DSCAM: variants seen among roughly 807,000 people sequenced by gnomAD.
DSCAM encodes cell adhesion molecule DSCAM.
Under a neutral mutation model 217.7 loss-of-function variants are expected in DSCAM, and 47 were observed. The ratio of observed to expected loss-of-function variants is 0.22; its 90% CI spans 0.17 to 0.28. The LOEUF (loss-of-function observed/expected upper bound fraction) is 0.28, where lower values mean the gene tolerates loss of function less well. Among genes scored for constraint, DSCAM ranks in the 10% least tolerant of loss-of-function variants. The probability of loss-of-function intolerance (pLI) is 1.00; values close to 1 mark genes in which losing one functional copy is unlikely to be tolerated. For synonymous variants in DSCAM, 1,056 were observed against 1,015.3 expected (o/e 1.04, Z -0.76); for missense variants, 2,080 against 2,618.3 (o/e 0.79, Z 4.49).
chr21:40,797,494 T>A (rs2096577750), intron 1 of DSCAM, among the ~76,000 whole-genome samples: 1 of 152,224 alleles, frequency 6.6e-6, no homozygotes, highest in African/African-American at 2.4e-5. Flanking sequence ...ACACTAAGGT[T>A]TTTGACAGGC....
chr21:40,267,882 G>A (rs1324846273), intron 11 of DSCAM, among the ~76,000 whole-genome samples: 1 of 150,346 alleles, frequency 6.7e-6, no homozygotes, highest in Non-Finnish European at 1.5e-5. Context: ...GGAAACAAGA[G>A]AGAAACTCCA....
chr21:40,674,279 A>G (rs939251197), intron 3 of DSCAM, among the ~76,000 whole-genome samples: 2 of 152,230 alleles, frequency 1.3e-5, no homozygotes, highest in Non-Finnish European at 2.9e-5. Context: ...CAGAATTTAG[A>G]GCTCATAACC....
chr21:40,310,258 TATG>T (rs2074123334), intron 9 of DSCAM, among the ~76,000 whole-genome samples: 2 of 152,200 alleles, frequency 1.3e-5, no homozygotes, highest in Non-Finnish European at 2.9e-5. Context: ...CCCTAAAGAT[TATG>T]ATTTAATTGG....
chr21:40,766,993 C>A (rs938413616), intron 1 of DSCAM, among the ~76,000 whole-genome samples: 3 of 152,128 alleles, frequency 2.0e-5, no homozygotes, highest in African/African-American at 7.2e-5. Flanking sequence ...GCCAAAAAAC[C>A]TTTCTTAATT....
At chr21:40,413,345 G>A (rs2075340666) in intron 3 of DSCAM, among the ~76,000 whole-genome samples, 1 of 152,192 alleles carries the variant, frequency 6.6e-6, no homozygotes, top group African/African-American at 2.4e-5. Flanking sequence ...ACCAGCCCAT[G>A]AATGGAGCCA....
chr21:40,548,924 G>C (rs2076606896), intron 3 of DSCAM, among the ~76,000 whole-genome samples: 1 of 152,190 alleles, frequency 6.6e-6, no homozygotes, highest in African/African-American at 2.4e-5. Context: ...GTAAAACAAG[G>C]CCGGGCACGG....
chr21:40,176,755 C>A (rs2090736847), intron 15 of DSCAM, among the ~76,000 whole-genome samples: 3 of 152,208 alleles, frequency 2.0e-5, no homozygotes, highest in Non-Finnish European at 2.9e-5. Flanking sequence ...CACCCAGATA[C>A]AATACAAAAG....
chr21:40,697,407 C>A (rs2090607735), intron 2 of DSCAM, among the ~76,000 whole-genome samples: 1 of 152,120 alleles, frequency 6.6e-6, no homozygotes, highest in Non-Finnish European at 1.5e-5. Context: ...AAAATCTTTG[C>A]CCAGACTAAT....
chr21:40,441,407 A>T (rs879092233), intron 3 of DSCAM, among the ~76,000 whole-genome samples: 1 of 152,202 alleles, frequency 6.6e-6, no homozygotes, highest in Admixed American at 6.5e-5. Flanking sequence ...AGGATTATTC[A>T]TTGTGACTTA....
intron 3 of DSCAM, among the ~76,000 whole-genome samples, chr21:40,662,440 A>G (rs1044702239): frequency 1.3e-5 from 2 of 152,224 alleles, no homozygotes; most frequent in African/African-American, 2.4e-5. Context: ...TATTTTGGCC[A>G]TAAGTGACGC....
rs2092148302 is a variant in DSCAM at position 40,846,692 on chromosome 21, G to T, written c.-31C>A. 1.8e-6 allele frequency: 2 copies of T among 1,120,476 alleles called. No homozygotes were observed. The highest frequency in any genetic ancestry group is 3.8e-5 in the South Asian group (1 of 26,206). The allele number at this position is 1,120,476 out of a possible 1,614,324, so 69.4% of individuals were successfully genotyped here. A position where few individuals can be genotyped will look rare whatever the true frequency, so the allele number is the denominator to read the frequency against. On this transcript the variant is annotated 5_prime_UTR_variant, in exon 1 of 33. Transcript: ENST00000400454. ...TGCCGCTCCCCGGCCTCCCGCGAGC[G>T]ACGCGCCGGCCTCGCCCCCCGCGCT...
intron 3 of DSCAM, among the ~76,000 whole-genome samples, chr21:40,685,939 AAACAAAAAC>A (rs564796560): frequency 1.3e-5 from 1 of 75,600 alleles, no homozygotes; most frequent in East Asian, 4.6e-4. Context: ...AGGCAAACAA[AAACAAAAAC>A]AAAAACAAAA....
At chr21:40,517,031 A>G (rs963637325) in intron 3 of DSCAM, among the ~76,000 whole-genome samples, 54 of 146,610 alleles carry the variant, frequency 3.7e-4, no homozygotes, top group Admixed American at 1.5e-3. Flanking sequence ...TAACATATGT[A>G]TATATATATA....
chr21:40,424,885 G>A (rs1192401751), intron 3 of DSCAM, among the ~76,000 whole-genome samples: 2 of 152,046 alleles, frequency 1.3e-5, no homozygotes, highest in Non-Finnish European at 2.9e-5. Context: ...CTTAAGTTCA[G>A]GAGTTTGAGA....
At chr21:40,545,878 C>T (rs954778980) in intron 3 of DSCAM, among the ~76,000 whole-genome samples, 10 of 152,204 alleles carry the variant, frequency 6.6e-5, no homozygotes, top group Admixed American at 4.6e-4. Context: ...GGAGTGGCCA[C>T]GTGTCAAGGG....
intron 3 of DSCAM, among the ~76,000 whole-genome samples, chr21:40,460,222 G>C (rs1393474092): frequency 6.6e-6 from 1 of 151,980 alleles, no homozygotes; most frequent in African/African-American, 2.4e-5. Flanking sequence ...AAACCACCAT[G>C]GCACATATTT....
chr21:40,714,045 T>C (rs1488121884), intron 1 of DSCAM, among the ~76,000 whole-genome samples: 1 of 152,226 alleles, frequency 6.6e-6, no homozygotes, highest in Non-Finnish European at 1.5e-5. Context: ...CCATGTTGTG[T>C]TAATTCTGCA....
chr21:40,798,706 CA>C (rs1187144479), intron 1 of DSCAM, among the ~76,000 whole-genome samples: 1 of 152,020 alleles, frequency 6.6e-6, no homozygotes, highest in African/African-American at 2.4e-5. Flanking sequence ...AAGAATAAAA[CA>C]ATCACCTAAT....
chr21:40,047,027 C>G (rs1163375424), intron 30 of DSCAM, among the ~76,000 whole-genome samples: 2 of 151,830 alleles, frequency 1.3e-5, no homozygotes, highest in Non-Finnish European at 2.9e-5. Flanking sequence ...CTCTTTTTTT[C>G]TAGATGAGGA....
Sources: allele counts gnomAD v4.1 joint callset (sites outside exome capture counted in the v4.1 genomes callset), GRCh38; gene constraint gnomAD v4.1.1; transcripts MANE v1.5; gene names NCBI Gene and HGNC (gene_info 2026-07-23, HGNC 2026-07-21).